The following ATP2B2 variants were observed in gnomAD, a reference collection of about 807,000 sequenced individuals.
ATP2B2 encodes plasma membrane calcium-transporting ATPase 2.
In ATP2B2, 15 loss-of-function variants were observed where a neutral mutation model predicts 120.0. That is an observed-to-expected ratio of 0.12 (90% CI 0.08 to 0.19). The LOEUF (loss-of-function observed/expected upper bound fraction) is 0.19, where lower values mean the gene tolerates loss of function less well. Among genes scored for constraint, ATP2B2 ranks in the 10% least tolerant of loss-of-function variants. ATP2B2 has a pLI of 1.00. For missense variants in ATP2B2, 1,045 were observed against 1,719.8 expected (o/e 0.61, Z 6.94); for synonymous variants, 694 against 700.3 (o/e 0.99, Z 0.14).
At chr3:10,443,728 C>T (rs986065226) in intron 2 of ATP2B2, among the ~76,000 whole-genome samples, 1 of 152,220 alleles carries the variant, frequency 6.6e-6, no homozygotes, top group Non-Finnish European at 1.5e-5. Context: ...AACCAGAAAA[C>T]TCCTTTTGTG....
chr3:10,404,459 T>A (rs1007691929), intron 3 of ATP2B2, among the ~76,000 whole-genome samples: 3 of 152,242 alleles, frequency 2.0e-5, no homozygotes, highest in Non-Finnish European at 4.4e-5. Context: ...GTTTTTCTCA[T>A]CTGCAAAATG....
chr3:10,654,859 C>T (rs2342148), intron 1 of ATP2B2, among the ~76,000 whole-genome samples: 31,973 of 151,538 alleles, frequency 0.21, 5,510 homozygotes, highest in African/African-American at 0.47. Context: ...ATTTTCACAA[C>T]GCCCAAGAGA....
At chr3:10,444,308 G>A (rs2063763997) in intron 2 of ATP2B2, among the ~76,000 whole-genome samples, 1 of 152,204 alleles carries the variant, frequency 6.6e-6, no homozygotes, top group South Asian at 2.1e-4. Flanking sequence ...TCCTTGGGTT[G>A]ACAGAACACA....
chr3:10,443,116 G>A (rs1232879522), intron 2 of ATP2B2, among the ~76,000 whole-genome samples: 3 of 152,176 alleles, frequency 2.0e-5, no homozygotes, highest in African/African-American at 7.2e-5. Flanking sequence ...GGTTTGGCTG[G>A]TAGAATCTTT....
At chr3:10,660,307 G>A (rs1371799623) in intron 1 of ATP2B2, among the ~76,000 whole-genome samples, 9 of 152,262 alleles carry the variant, frequency 5.9e-5, no homozygotes, top group South Asian at 4.1e-4. Context: ...ATGAATCCAG[G>A]AGCTGTTTTT....
At chr3:10,386,286 G>C (rs1174974956) in intron 7 of ATP2B2, among the ~76,000 whole-genome samples, 194 bp downstream of exon 7, 1 of 152,142 alleles carries the variant, frequency 6.6e-6, no homozygotes, top group African/African-American at 2.4e-5. Context: ...AGGGCAAGAG[G>C]GTGGAGTGGG....
Position 10,346,365 on chromosome 3 carries a change from G to A in ATP2B2, c.2405-228C>T, listed in dbSNP as rs373887620. 7.3e-4 allele frequency among the ~76,000 whole-genome samples: 111 copies of A among 152,320 alleles called. No homozygotes were observed. Among genetic ancestry groups the A allele is most frequent in the African/African-American group, 2.6e-3 (106 of 41,568 alleles). On this transcript the variant is annotated intron_variant, in intron 16 of 22. Coordinates refer to ENST00000360273, the MANE Select transcript of ATP2B2 (RefSeq NM_001001331.4). This position sits in a 1 kb window ranked among gnomAD's most constrained non-coding sequence, Gnocchi z 4.1. Reference sequence around the variant, plus strand: ...GCCGACTTGGGGCCCCCTGTGGCCCGGGCCCTGCTCACCTCTCCAGCCCCC... The same window carrying A: ...GCCGACTTGGGGCCCCCTGTGGCCCAGGCCCTGCTCACCTCTCCAGCCCCC...
At chr3:10,357,055 C>A (rs1031926389) in intron 14 of ATP2B2, among the ~76,000 whole-genome samples, 3 of 151,952 alleles carry the variant, frequency 2.0e-5, no homozygotes, top group African/African-American at 7.3e-5. Flanking sequence ...CTTATTCATT[C>A]ATTCCGCAAA....
intron 8 of ATP2B2, among the ~76,000 whole-genome samples, chr3:10,384,955 G>C (rs188167441): frequency 6.6e-6 from 1 of 152,212 alleles, no homozygotes; most frequent in Non-Finnish European, 1.5e-5. Flanking sequence ...GGCCATGCCA[G>C]GTGGGACGCT....
chr3:10,434,282 G>C (rs553440334), intron 2 of ATP2B2, among the ~76,000 whole-genome samples: 15 of 152,352 alleles, frequency 9.8e-5, no homozygotes, highest in Non-Finnish European at 7.3e-5. Flanking sequence ...AGGAAGCTCT[G>C]GGTTTCTACA....
chr3:10,624,057 C>A (rs930791082), intron 1 of ATP2B2, among the ~76,000 whole-genome samples: 2 of 152,160 alleles, frequency 1.3e-5, no homozygotes, highest in African/African-American at 2.4e-5. Flanking sequence ...CCTGTAGCTC[C>A]CATCCCCCTT....
chr3:10,467,753 G>A (rs750922866), intron 1 of ATP2B2, among the ~76,000 whole-genome samples: 3 of 152,184 alleles, frequency 2.0e-5, no homozygotes, highest in Admixed American at 2.0e-4. Flanking sequence ...CATTTTTGGC[G>A]GGGAGATGGC....
rs536396193 is a variant in ATP2B2 at position 10,587,274 on chromosome 3, C to T, written c.-415+32643G>A. 6.3e-4 allele frequency among the ~76,000 whole-genome samples: 96 copies of T among 152,186 alleles called. 4 individuals carry two copies. The South Asian group carries it at 0.019, about 30-fold the overall frequency. On this transcript the variant is annotated intron_variant, in intron 2 of 21. Coordinates refer to the ATP2B2 transcript ENST00000646379. ...GAGCCGTGATCATACCCCTGCACTC[C>T]AGCCTGGGTGACAAAATGAGACCCT...
intron 2 of ATP2B2, among the ~76,000 whole-genome samples, chr3:10,566,701 A>G (rs999977674): frequency 9.2e-5 from 14 of 152,206 alleles, no homozygotes; most frequent in African/African-American, 3.4e-4. Flanking sequence ...AATCACTGGA[A>G]ATGTGACAGT....
chr3:10,605,375 G>C (rs1418249002), intron 2 of ATP2B2, among the ~76,000 whole-genome samples: 2 of 152,320 alleles, frequency 1.3e-5, no homozygotes, highest in South Asian at 2.1e-4. Context: ...GGAGCCCAGG[G>C]TCTGATTCCA....
At chr3:10,353,119 C>G (rs1267717096) in intron 14 of ATP2B2, among the ~76,000 whole-genome samples, 4 of 152,176 alleles carry the variant, frequency 2.6e-5, no homozygotes, top group Non-Finnish European at 4.4e-5. Flanking sequence ...TTTCAGATAG[C>G]AGAGCATCAC....
intron 2 of ATP2B2, among the ~76,000 whole-genome samples, chr3:10,434,291 C>A (rs1276015877): frequency 1.3e-5 from 2 of 152,252 alleles, no homozygotes; most frequent in Admixed American, 6.5e-5. Context: ...TGGGTTTCTA[C>A]AGATTGGGGA....
At chr3:10,659,508 A>G (rs2125677491) in intron 1 of ATP2B2, among the ~76,000 whole-genome samples, 1 of 152,348 alleles carries the variant, frequency 6.6e-6, no homozygotes, top group South Asian at 2.1e-4. Context: ...AGGCCATTAC[A>G]TAATGGTAAA....
intron 2 of ATP2B2, among the ~76,000 whole-genome samples, chr3:10,596,882 G>A (rs1306378660): frequency 4.6e-5 from 7 of 152,206 alleles, no homozygotes; most frequent in Non-Finnish European, 7.3e-5. Flanking sequence ...GCTCTGATGT[G>A]TGTGGCTTCC....
Sources: allele counts gnomAD v4.1 joint callset (sites outside exome capture counted in the v4.1 genomes callset), GRCh38; gene constraint gnomAD v4.1.1; non-coding constraint Gnocchi (gnomAD v3.1); transcripts MANE v1.5; gene names NCBI Gene and HGNC (gene_info 2026-07-23, HGNC 2026-07-21).